Variants in GRM1 observed in about 807,000 individuals in gnomAD.
The protein encoded by GRM1 is metabotropic glutamate receptor 1.
In GRM1, 33 loss-of-function variants were observed where a neutral mutation model predicts 90.9. The ratio of observed to expected loss-of-function variants is 0.36; its 90% CI spans 0.28 to 0.49. The LOEUF is 0.49. Ranked by LOEUF, GRM1 falls within the 20% of genes least tolerant of loss-of-function variation. The pLI is 0.99. For missense variants in GRM1, 1,190 were observed against 1,534.3 expected, an observed-to-expected ratio of 0.78 and a Z score of 3.75; for synonymous variants, 700 against 613.2, an observed-to-expected ratio of 1.14 and a Z score of -2.09.
chr6:146,320,139 A>G (rs1032980496), intron 3 of GRM1, among the ~76,000 whole-genome samples: 6 of 152,204 alleles, frequency 3.9e-5, no homozygotes, highest in Admixed American at 2.6e-4. Context: ...GATACGTTCC[A>G]TCAATACCTA....
chr6:146,192,567 C>T (rs1778967768), intron 2 of GRM1, among the ~76,000 whole-genome samples: 1 of 152,148 alleles, frequency 6.6e-6, no homozygotes, highest in South Asian at 2.1e-4. Context: ...GTTAGCTTAT[C>T]TCTCTCATCC....
At chr6:146,232,561 A>T (rs928913308) in intron 2 of GRM1, among the ~76,000 whole-genome samples, 1 of 151,988 alleles carries the variant, frequency 6.6e-6, no homozygotes, top group African/African-American at 2.4e-5. Context: ...GTTATTTTTA[A>T]TGTACAATTA....
intron 7 of GRM1, among the ~76,000 whole-genome samples, chr6:146,419,781 C>T (rs1280455725): frequency 6.6e-6 from 1 of 152,152 alleles, no homozygotes; most frequent in East Asian, 1.9e-4. Flanking sequence ...TGAGAGCACA[C>T]TCACTATCAC....
At chr6:146,191,852 G>A (rs1380876471) in intron 2 of GRM1, among the ~76,000 whole-genome samples, 1 of 152,118 alleles carries the variant, frequency 6.6e-6, no homozygotes, top group African/African-American at 2.4e-5. Context: ...GTCCGTGACA[G>A]ATTAACTTTG....
intron 2 of GRM1, among the ~76,000 whole-genome samples, chr6:146,248,549 A>G (rs1781158241): frequency 1.3e-5 from 2 of 152,124 alleles, no homozygotes; most frequent in African/African-American, 4.8e-5. Context: ...CATGATTGTA[A>G]ATTTCCTGAG....
Position 146,124,107 on chromosome 6 carries a change from C to T in GRM1, c.701-35241C>T, listed in dbSNP as rs556129215. ...CATGTTTGTACACGTATTTCTATATCTTCATAACTATGCAAATTCAATATT... is the reference window on the plus strand; with the variant it reads ...CATGTTTGTACACGTATTTCTATATTTTCATAACTATGCAAATTCAATATT... On this transcript the variant is annotated intron_variant, in intron 1 of 7. Coordinates refer to ENST00000282753, the MANE Select transcript of GRM1 (RefSeq NM_001278064.2). 3.3e-5 allele frequency among the ~76,000 whole-genome samples: 5 copies of T among 152,236 alleles called. No homozygotes were observed. In the East Asian group the frequency reaches 5.8e-4, roughly 18 times the overall value.
chr6:146,418,949 G>A (rs1777887361), intron 7 of GRM1, among the ~76,000 whole-genome samples: 1 of 152,142 alleles, frequency 6.6e-6, no homozygotes, highest in South Asian at 2.1e-4. Flanking sequence ...GCAGAATAAT[G>A]TGGCACATAA....
At chr6:146,118,129 T>A (rs1775832413) in intron 1 of GRM1, among the ~76,000 whole-genome samples, 1 of 145,420 alleles carries the variant, frequency 6.9e-6, no homozygotes, top group Non-Finnish European at 1.5e-5. Flanking sequence ...TTATTCTTTT[T>A]TTCTTCTTTT....
At chr6:146,125,918 C>T (rs1016438865) in intron 1 of GRM1, among the ~76,000 whole-genome samples, 1 of 152,034 alleles carries the variant, frequency 6.6e-6, no homozygotes, top group Admixed American at 6.6e-5. Flanking sequence ...GATCAGAGTA[C>T]TATTTGTCTT....
chr6:146,038,163 G>C (rs903490688), intron 1 of GRM1, among the ~76,000 whole-genome samples: 1 of 151,938 alleles, frequency 6.6e-6, no homozygotes, highest in African/African-American at 2.4e-5. Context: ...TTGTTAAAAT[G>C]AAAGAAGAAA....
chr6:146,396,390 A>G (rs970048342), intron 6 of GRM1, among the ~76,000 whole-genome samples: 1 of 152,182 alleles, frequency 6.6e-6, no homozygotes, highest in African/African-American at 2.4e-5. Flanking sequence ...TAAGTTGACA[A>G]CACGGGAAGT....
chr6:146,350,974 C>A (rs566637049), intron 3 of GRM1, among the ~76,000 whole-genome samples: 18 of 152,278 alleles, frequency 1.2e-4, no homozygotes, highest in African/African-American at 3.8e-4. Context: ...ATATCCTTTT[C>A]AAACTTTTGA....
chr6:146,337,209 C>T (rs1263725653), intron 3 of GRM1, among the ~76,000 whole-genome samples: 1 of 152,192 alleles, frequency 6.6e-6, no homozygotes, highest in Non-Finnish European at 1.5e-5. Flanking sequence ...TGAAGCAGAA[C>T]CTGGCAGCCC....
chr6:146,375,399 C>G (rs965490591), intron 5 of GRM1, among the ~76,000 whole-genome samples: 2 of 151,782 alleles, frequency 1.3e-5, no homozygotes, highest in East Asian at 3.9e-4. Flanking sequence ...CTGTAATTAT[C>G]TATTAGATCC....
chr6:146,041,072 T>G (rs947285192), intron 1 of GRM1, among the ~76,000 whole-genome samples: 3 of 152,078 alleles, frequency 2.0e-5, no homozygotes, highest in Admixed American at 6.6e-5. Flanking sequence ...AAAGTATTTC[T>G]CACTCCAAAA....
At chr6:146,414,730 G>A (rs563828885) in intron 7 of GRM1, among the ~76,000 whole-genome samples, 2 of 152,222 alleles carry the variant, frequency 1.3e-5, no homozygotes, top group South Asian at 2.1e-4. Context: ...GTATAATCTG[G>A]ATTTGAATTC....
At chr6:146,079,748 T>C (rs532839751) in intron 1 of GRM1, among the ~76,000 whole-genome samples, 1 of 152,280 alleles carries the variant, frequency 6.6e-6, no homozygotes, top group South Asian at 2.1e-4. Context: ...TATAGAACAT[T>C]AGTGGCTCAT....
chr6:146,316,423 C>T (rs190195383), intron 3 of GRM1, among the ~76,000 whole-genome samples: 1 of 152,324 alleles, frequency 6.6e-6, no homozygotes, highest in Non-Finnish European at 1.5e-5. Context: ...AATTTATTCA[C>T]AAGTTCAGTG....
At chr6:146,174,943 G>A (rs1326216788) in intron 2 of GRM1, among the ~76,000 whole-genome samples, 2 of 152,164 alleles carry the variant, frequency 1.3e-5, no homozygotes, top group Admixed American at 1.3e-4. Context: ...CCTCTGTGTG[G>A]GGCCAGCCCA....
Sources: gnomAD v4.1 joint callset for allele counts (sites outside exome capture counted in the v4.1 genomes callset) on GRCh38, gnomAD v4.1.1 for gene constraint, MANE v1.5 for transcripts, NCBI Gene and HGNC (gene_info 2026-07-23, HGNC 2026-07-21) for gene names.